PSMA1: variants seen among roughly 807,000 people sequenced by gnomAD.
PSMA1 encodes proteasome subunit alpha type-1.
In PSMA1, 3 loss-of-function variants were observed where a neutral mutation model predicts 38.4. The ratio of observed to expected loss-of-function variants is 0.08; its 90% CI spans 0.04 to 0.20. The LOEUF is 0.20. Among genes scored for constraint, PSMA1 ranks in the 10% least tolerant of loss-of-function variants. The pLI is 1.00. For synonymous variants in PSMA1, 101 were observed against 107.1 expected (o/e 0.94, Z 0.35); for missense variants, 227 against 325.3 (o/e 0.70, Z 2.32).
intron 4 of PSMA1, among the ~76,000 whole-genome samples, chr11:14,514,934 G>C (rs1407952917): frequency 6.6e-6 from 1 of 152,124 alleles, no homozygotes; most frequent in African/African-American, 2.4e-5. Context: ...ACAGCAGGGG[G>C]GATCTTTACG....
intron 1 of PSMA1, among the ~76,000 whole-genome samples, chr11:14,623,589 T>G (rs1483825092): frequency 6.6e-6 from 1 of 152,150 alleles, no homozygotes; most frequent in Non-Finnish European, 1.5e-5. Flanking sequence ...GAGTTTAGTG[T>G]GACATATTAT....
intron 2 of PSMA1, among the ~76,000 whole-genome samples, chr11:14,591,945 C>G (rs979750329): frequency 2.6e-5 from 4 of 152,156 alleles, no homozygotes; most frequent in African/African-American, 7.2e-5. Context: ...TAGGTCCACG[C>G]TGCTTTTATG....
chr11:14,615,160 T>C (rs1312538850), intron 1 of PSMA1, among the ~76,000 whole-genome samples: 1 of 152,256 alleles, frequency 6.6e-6, no homozygotes, highest in Non-Finnish European at 1.5e-5. Context: ...TATTCACTTC[T>C]CTATTTGGTA....
chr11:14,604,242 A>G (rs1852617094), intron 2 of PSMA1, among the ~76,000 whole-genome samples: 1 of 152,144 alleles, frequency 6.6e-6, no homozygotes, highest in African/African-American at 2.4e-5. Flanking sequence ...TTGTATTTTT[A>G]GTAGAGACAG....
At chr11:14,598,574 C>CTTTTT (rs3053229) in intron 2 of PSMA1, among the ~76,000 whole-genome samples, 3 of 144,242 alleles carry the variant, frequency 2.1e-5, no homozygotes, top group African/African-American at 7.7e-5. Context: ...GCAACCCCTG[C>CTTTTT]TTTTTTTTTT....
chr11:14,553,534 C>A (rs925754074), intron 2 of PSMA1, among the ~76,000 whole-genome samples: 1 of 152,100 alleles, frequency 6.6e-6, no homozygotes, highest in African/African-American at 2.4e-5. Context: ...GTAATTTTAT[C>A]ATTTTAGGAA....
intron 2 of PSMA1, among the ~76,000 whole-genome samples, chr11:14,571,794 G>A (rs1852144658): frequency 6.6e-6 from 1 of 151,938 alleles, no homozygotes; most frequent in African/African-American, 2.4e-5. Context: ...ACACACATAG[G>A]CTCAAAATAA....
intron 1 of PSMA1, among the ~76,000 whole-genome samples, chr11:14,642,658 A>AGTC (rs1241222217): frequency 6.6e-6 from 1 of 152,212 alleles, no homozygotes; most frequent in Non-Finnish European, 1.5e-5. Context: ...TGAGAAATGC[A>AGTC]GTCCGGTCAT....
chr11:14,626,180 T>C (rs1326791879), intron 1 of PSMA1, among the ~76,000 whole-genome samples: 3 of 151,866 alleles, frequency 2.0e-5, no homozygotes, highest in Non-Finnish European at 4.4e-5. Context: ...ACTTAAGTGA[T>C]AATCTTTTGT....
chr11:14,518,628 T>C (rs1334531942), intron 2 of PSMA1, among the ~76,000 whole-genome samples: 1 of 152,204 alleles, frequency 6.6e-6, no homozygotes, highest in Non-Finnish European at 1.5e-5. Flanking sequence ...TGTTGTACAT[T>C]AGATCTTTCC....
At position 14,513,798 on chromosome 11, in the gene PSMA1, C is replaced by T. The variant is rs1293087668; in HGVS notation, c.414+19G>A. The T allele has an allele frequency of 1.9e-6, 3 of 1,568,798 alleles. No homozygotes were observed. The highest frequency in any genetic ancestry group is 2.6e-6 in the Non-Finnish European group (3 of 1,164,378). On this transcript the variant is annotated intron_variant, in intron 6 of 9. Transcript: ENST00000396394. ...ATTAAAAAAAATCATTAACATATAA[C>T]AATATTCAATGAACTTACATCATAA...
chr11:14,585,395 A>C (rs1852333303), intron 2 of PSMA1, among the ~76,000 whole-genome samples: 1 of 152,262 alleles, frequency 6.6e-6, no homozygotes, highest in Non-Finnish European at 1.5e-5. Flanking sequence ...TAACATGCTA[A>C]AAGTATTATT....
intron 2 of PSMA1, among the ~76,000 whole-genome samples, chr11:14,528,108 A>G (rs1402180302): frequency 6.6e-6 from 1 of 152,092 alleles, no homozygotes; most frequent in Non-Finnish European, 1.5e-5. Flanking sequence ...ACTAAAAAAA[A>G]AAAGGGGGAG....
At chr11:14,579,474 C>T (rs898526187) in intron 2 of PSMA1, among the ~76,000 whole-genome samples, 11 of 147,426 alleles carry the variant, frequency 7.5e-5, no homozygotes, top group African/African-American at 2.7e-4. Context: ...AACTTAATTA[C>T]AGCTGCAAAG....
chr11:14,596,562 T>C (rs912295852), intron 2 of PSMA1, among the ~76,000 whole-genome samples: 2 of 152,266 alleles, frequency 1.3e-5, no homozygotes, highest in African/African-American at 2.4e-5. Flanking sequence ...TAATGGTGTA[T>C]AGGAATGCTT....
chr11:14,552,404 A>G (rs1044760708), intron 2 of PSMA1, among the ~76,000 whole-genome samples: 8 of 152,202 alleles, frequency 5.3e-5, no homozygotes, highest in African/African-American at 1.9e-4. Context: ...AAATAAGTTG[A>G]TTTAAAGAAG....
At chr11:14,548,017 AAC>A (rs141234079) in intron 2 of PSMA1, among the ~76,000 whole-genome samples, 39 of 149,058 alleles carry the variant, frequency 2.6e-4, no homozygotes, top group Admixed American at 3.3e-4. Context: ...CACTATATAC[AAC>A]ACACACACAC....
intron 8 of PSMA1, among the ~76,000 whole-genome samples, chr11:14,508,053 A>G (rs1434966798): frequency 1.3e-5 from 2 of 152,204 alleles, no homozygotes; most frequent in South Asian, 4.1e-4. Context: ...CTTCACATTG[A>G]TATTAAACAA....
intron 2 of PSMA1, among the ~76,000 whole-genome samples, chr11:14,546,441 G>A (rs1180677860): frequency 6.6e-6 from 1 of 151,944 alleles, no homozygotes; most frequent in Non-Finnish European, 1.5e-5. Flanking sequence ...ATGGAAATGT[G>A]GCTTTTTTTC....
Sources: allele counts gnomAD v4.1 joint callset (sites outside exome capture counted in the v4.1 genomes callset), GRCh38; gene constraint gnomAD v4.1.1; transcripts MANE v1.5; gene names NCBI Gene and HGNC (gene_info 2026-07-23, HGNC 2026-07-21).